PIK3C2G: variants seen among roughly 807,000 people sequenced by gnomAD.
PIK3C2G encodes phosphatidylinositol-4-phosphate 3-kinase catalytic subunit type 2 gamma.
In PIK3C2G, 168 loss-of-function variants were observed where a neutral mutation model predicts 181.1. The observed-to-expected ratio is 0.93, with a 90% CI of 0.82 to 1.05. The LOEUF (loss-of-function observed/expected upper bound fraction) is 1.05. PIK3C2G is among the 50% of genes least tolerant of loss of function. PIK3C2G has a pLI of 0.00. For missense variants in PIK3C2G, 1,869 were observed against 1,732.8 expected, an observed-to-expected ratio of 1.08 and a Z score of -1.40; for synonymous variants, 573 against 592.2, an observed-to-expected ratio of 0.97 and a Z score of 0.47.
intron 1 of PIK3C2G, among the ~76,000 whole-genome samples, chr12:18,274,790 A>G (rs897191534): frequency 3.9e-5 from 6 of 152,032 alleles, no homozygotes; most frequent in African/African-American, 1.4e-4. Context: ...GTACCCTAAA[A>G]CTTAAAGTAT....
chr12:18,290,012 T>C (rs995380371), intron 3 of PIK3C2G, among the ~76,000 whole-genome samples: 1 of 152,200 alleles, frequency 6.6e-6, no homozygotes, highest in African/African-American at 2.4e-5. Flanking sequence ...TATGGTAACA[T>C]ATAATGACAA....
At chr12:18,354,575 C>T (rs1459648445) in intron 11 of PIK3C2G, among the ~76,000 whole-genome samples, 1 of 152,196 alleles carries the variant, frequency 6.6e-6, no homozygotes, top group African/African-American at 2.4e-5. Flanking sequence ...ACAATTTGTC[C>T]TTGCATTTAC....
chr12:18,328,485 T>C (rs1337476172), intron 8 of PIK3C2G, among the ~76,000 whole-genome samples: 1 of 151,996 alleles, frequency 6.6e-6, no homozygotes, highest in Admixed American at 6.6e-5. Flanking sequence ...AGCAAATCTA[T>C]TGTTAGACTT....
rs147226118 is a variant in PIK3C2G, at chr12:18,373,211, C to T, written c.1880+1900C>T. On this transcript the variant is annotated intron_variant, in intron 13 of 32. Coordinates refer to ENST00000538779, the MANE Select transcript of PIK3C2G (RefSeq NM_001288772.2). ...CCCAGTTTATTTGATGCAGATATTT[C>T]CAGATCACAGCAAATTGGTGACTGA... is the stretch of plus-strand genomic sequence containing the variant. 2.3e-3 allele frequency among the ~76,000 whole-genome samples: 348 copies of T among 152,284 alleles called. 4 individuals are homozygous for T. The highest frequency in any genetic ancestry group is 7.6e-3 in the African/African-American group (315 of 41,562).
At chr12:18,501,203 A>T (rs898999377) in intron 22 of PIK3C2G, among the ~76,000 whole-genome samples, 1 of 152,204 alleles carries the variant, frequency 6.6e-6, no homozygotes, top group Non-Finnish European at 1.5e-5. Context: ...TTAATAAAGG[A>T]AAGAGGTTAA....
At chr12:18,633,532 G>A (rs925683537) in intron 31 of PIK3C2G, among the ~76,000 whole-genome samples, 62 of 152,296 alleles carry the variant, frequency 4.1e-4, no homozygotes, top group African/African-American at 9.1e-4. Flanking sequence ...GGTCTGGGCC[G>A]TTAGTGATCC....
At chr12:18,365,891 C>T (rs1385336146) in intron 12 of PIK3C2G, among the ~76,000 whole-genome samples, 1 of 152,144 alleles carries the variant, frequency 6.6e-6, no homozygotes, top group Non-Finnish European at 1.5e-5. Flanking sequence ...TTGTTCAGAT[C>T]AAAATCCTTA....
intron 23 of PIK3C2G, 47 bp from the exon 24 acceptor site, chr12:18,505,245 C>G (rs1457724176): frequency 2.0e-6 from 3 of 1,474,020 alleles, no homozygotes; most frequent in Admixed American, 2.1e-5. Context: ...AATGCATTTG[C>G]TCATTTTTTG....
upstream of PIK3C2G, among the ~76,000 whole-genome samples, chr12:18,245,510 T>G (rs1741389045): frequency 6.6e-6 from 1 of 152,046 alleles, no homozygotes; most frequent in Admixed American, 6.6e-5. Context: ...AAAAATCTAC[T>G]GTATCCTCAC....
the PIK3C2G span, among the ~76,000 whole-genome samples, chr12:18,655,023 A>C: frequency 6.7e-6 from 1 of 148,684 alleles, no homozygotes; most frequent in Non-Finnish European, 1.5e-5. Context: ...AACCCAGCCG[A>C]AACAGTCTTA....
At chr12:18,405,354 T>C (rs1353781831) in intron 16 of PIK3C2G, among the ~76,000 whole-genome samples, 2 of 151,916 alleles carry the variant, frequency 1.3e-5, no homozygotes, top group East Asian at 1.9e-4. Flanking sequence ...AGAGGAAGTA[T>C]AGAAAGAGGC....
At chr12:18,518,129 C>T (rs1347466801) in intron 24 of PIK3C2G, among the ~76,000 whole-genome samples, 8 of 152,070 alleles carry the variant, frequency 5.3e-5, no homozygotes, top group Admixed American at 3.9e-4. Context: ...CTGCTGGATT[C>T]GGTTTGCCAA....
At chr12:18,585,111 G>A (rs2136443722) in intron 29 of PIK3C2G, among the ~76,000 whole-genome samples, 1 of 152,246 alleles carries the variant, frequency 6.6e-6, no homozygotes, top group Non-Finnish European at 1.5e-5. Context: ...ACCGACCAGT[G>A]ACACTCTAAA....
chr12:18,621,952 A>G (rs992919147), intron 31 of PIK3C2G, among the ~76,000 whole-genome samples: 2 of 151,850 alleles, frequency 1.3e-5, no homozygotes, highest in Non-Finnish European at 3.0e-5. Context: ...AATTGTATAT[A>G]TGTATGGGGG....
rs116767993 is a variant in PIK3C2G, at chr12:18,422,167, C to T, written c.2409+1133C>T. Among the ~76,000 whole-genome samples the T allele has an allele frequency of 7.1e-3, 1,076 of 152,064 alleles. 6 individuals are homozygous for T. The highest frequency in any genetic ancestry group is 0.019 in the African/African-American group (780 of 41,478). ...AGGAATGTCATTGAGACCCATATTGCCACAAATCCAAATGTATAAGACAGT... is the reference window on the plus strand; with the variant it reads ...AGGAATGTCATTGAGACCCATATTGTCACAAATCCAAATGTATAAGACAGT... On this transcript the variant is annotated intron_variant, in intron 17 of 32. Transcript: ENST00000538779.
intron 26 of PIK3C2G, among the ~76,000 whole-genome samples, chr12:18,556,511 G>A (rs780108362): frequency 6.6e-6 from 1 of 152,114 alleles, no homozygotes; most frequent in African/African-American, 2.4e-5. Context: ...TTGTGAGGGT[G>A]AGTTCATCAA....
At chr12:18,563,812 T>A (rs368801900) in intron 28 of PIK3C2G, among the ~76,000 whole-genome samples, 2 of 152,082 alleles carry the variant, frequency 1.3e-5, no homozygotes, top group African/African-American at 4.8e-5. Context: ...TTTAATCCTC[T>A]TAGTTATTTT....
chr12:18,378,808 A>G (rs568737508), intron 13 of PIK3C2G, among the ~76,000 whole-genome samples: 4 of 152,218 alleles, frequency 2.6e-5, no homozygotes, highest in African/African-American at 7.2e-5. Flanking sequence ...TCAAAACCAC[A>G]ATGAGATACC....
At chr12:18,435,570 G>GA (rs1772883917) in intron 18 of PIK3C2G, among the ~76,000 whole-genome samples, 1 of 152,040 alleles carries the variant, frequency 6.6e-6, no homozygotes, top group South Asian at 2.1e-4. Flanking sequence ...TGTTAAGAGA[G>GA]AAAATCCATT....
Sources: allele counts gnomAD v4.1 joint callset (sites outside exome capture counted in the v4.1 genomes callset), GRCh38; gene constraint gnomAD v4.1.1; transcripts MANE v1.5; gene names NCBI Gene and HGNC (gene_info 2026-07-23, HGNC 2026-07-21).